Variants in CSMD2 observed in about 807,000 individuals in gnomAD.
CSMD2 encodes the protein CUB and Sushi multiple domains 2.
In CSMD2, 130 loss-of-function variants were observed where a neutral mutation model predicts 398.5. The ratio of observed to expected loss-of-function variants is 0.33; its 90% CI spans 0.28 to 0.38. The LOEUF (loss-of-function observed/expected upper bound fraction) is 0.38. Ranked by LOEUF, CSMD2 falls within the 10% of genes least tolerant of loss-of-function variation. CSMD2 has a pLI of 1.00. For missense variants in CSMD2, 3,829 were observed against 4,764.9 expected (o/e 0.80, Z 5.78); for synonymous variants, 1,828 against 1,908.5 (o/e 0.96, Z 1.10).
rs1386105672 is a variant in CSMD2, at chr1:33,698,797, C to A, written c.3881G>T (p.Ser1294Ile). The A allele has an allele frequency of 6.2e-7, 1 of 1,614,134 alleles. No individual in the cohort carries two copies. Among genetic ancestry groups the A allele is most frequent in the Non-Finnish European group, 8.5e-7 (1 of 1,180,004 alleles). ...LRGSEELLCL[S>I]GERRTWDRPL... ...CCGGTCCCAGGTCCGGCGCTCTCCA[C>A]TCAGACACAGCAGCTCCTCACTACC... Residue 1294 changes from serine to isoleucine, a missense_variant, in exon 24 of 71, where the codon AGT becomes ATT. Physicochemically the swap from Ser to Ile is moderately radical, Grantham distance 142. This residue lies in a region of CSMD2 where 2,001 missense variants were observed against 2,567.1 expected (regional missense o/e 0.78). Transcript: ENST00000373381.
chr1:33,520,441 T>C (rs573410385), intron 68 of CSMD2, among the ~76,000 whole-genome samples: 1 of 152,184 alleles, frequency 6.6e-6, no homozygotes, highest in South Asian at 2.1e-4. Flanking sequence ...AGAACACAAG[T>C]AGAAACTGTG....
chr1:33,964,572 T>G (rs1645490672), intron 3 of CSMD2, among the ~76,000 whole-genome samples: 1 of 152,228 alleles, frequency 6.6e-6, no homozygotes. Flanking sequence ...ATTTTAGGAC[T>G]CATCCTCCCA....
intron 9 of CSMD2, among the ~76,000 whole-genome samples, chr1:33,817,070 C>A (rs1023095696): frequency 6.6e-6 from 1 of 152,050 alleles, no homozygotes; most frequent in Admixed American, 6.5e-5. Flanking sequence ...CCTAAACTGT[C>A]CTAAAAATCA....
At chr1:33,867,821 G>A (rs1345495582) in intron 5 of CSMD2, among the ~76,000 whole-genome samples, 2 of 152,148 alleles carry the variant, frequency 1.3e-5, no homozygotes, top group Non-Finnish European at 2.9e-5. Flanking sequence ...TTGGTGGGCA[G>A]CAGCTGTGTG....
chr1:33,939,736 G>A (rs186501129), intron 3 of CSMD2, among the ~76,000 whole-genome samples: 22 of 152,232 alleles, frequency 1.4e-4, no homozygotes, highest in African/African-American at 3.9e-4. Context: ...TGGGACCTGG[G>A]TGTAATGAAT....
rs771472015 is a variant in CSMD2 at position 33,567,595 on chromosome 1, A to G, written c.8378T>C (p.Val2793Ala). 1 of 1,614,096 alleles carries G rather than the reference A, an allele frequency of 6.2e-7. No individual in the cohort carries two copies. The highest frequency in any genetic ancestry group is 8.5e-7 in the Non-Finnish European group (1 of 1,179,998). The change falls in exon 53 of 71, where the codon GTG (valine) becomes GCG (alanine). Residue 2793 changes from valine (V) to alanine (A), a missense_variant and splice_region_variant. Physicochemically the swap from Val to Ala is moderately conservative, Grantham distance 64 (BLOSUM62 0). Coordinates refer to ENST00000373381, the MANE Select transcript of CSMD2 (RefSeq NM_001281956.2). ...GGGAGAGTGGATGACATACTTACGC[A>G]CACAGAAAGGGGTCTTGCCCGACCA... The part of the protein sequence containing the change: ...HHWSGKTPFC[V>A]PITCGHPGNP...
chr1:33,897,716 T>A (rs1642483646), intron 5 of CSMD2, among the ~76,000 whole-genome samples: 1 of 152,162 alleles, frequency 6.6e-6, no homozygotes, highest in Non-Finnish European at 1.5e-5. Context: ...TCAATTCACC[T>A]GAGATGGGGA....
At chr1:33,970,072 CT>C (rs1645702300) in intron 3 of CSMD2, among the ~76,000 whole-genome samples, 1 of 150,230 alleles carries the variant, frequency 6.7e-6, no homozygotes, top group Non-Finnish European at 1.5e-5. Flanking sequence ...CGCCATTGCA[CT>C]CCAGCCTGGG....
At chr1:33,589,951 A>T (rs1292108415) in intron 44 of CSMD2, among the ~76,000 whole-genome samples, 1 of 152,200 alleles carries the variant, frequency 6.6e-6, no homozygotes, top group Non-Finnish European at 1.5e-5. Flanking sequence ...ATAAGTTAAA[A>T]AAATTGGTGC....
intron 53 of CSMD2, among the ~76,000 whole-genome samples, chr1:33,563,371 G>C (rs1297518717): frequency 6.6e-6 from 1 of 152,106 alleles, no homozygotes; most frequent in African/African-American, 2.4e-5. Flanking sequence ...CCATGGGCTG[G>C]GAGAGAGATT....
intron 12 of CSMD2, among the ~76,000 whole-genome samples, chr1:33,776,134 T>C (rs1427904779): frequency 1.3e-5 from 2 of 152,018 alleles, no homozygotes; most frequent in Non-Finnish European, 2.9e-5. Flanking sequence ...AGTAGTTTAG[T>C]ACAGGAGAAA....
chr1:33,615,695 C>T (rs1403525608), intron 39 of CSMD2, among the ~76,000 whole-genome samples: 2 of 152,194 alleles, frequency 1.3e-5, no homozygotes, highest in Non-Finnish European at 2.9e-5. Flanking sequence ...CAGCAGCTGC[C>T]GTTAAATGAA....
At chr1:34,115,564 C>T (rs755345759) in intron 1 of CSMD2, among the ~76,000 whole-genome samples, 18 of 151,994 alleles carry the variant, frequency 1.2e-4, no homozygotes, top group South Asian at 2.1e-4. Context: ...GGGAGTTCAT[C>T]GCCATTAGAT....
At position 33,820,565 on chromosome 1, in the gene CSMD2, CAAAA is replaced by C. The variant is rs753962666; in HGVS notation, c.1112-13_1112-10del. 0.024 allele frequency: 10,492 copies of C among 431,852 alleles called. 7 individuals carry two copies. Among genetic ancestry groups the C allele is most frequent in the Middle Eastern group, 0.027 (46 of 1,702 alleles). The allele number at this position is 431,852 out of a possible 1,614,324, so 26.8% of individuals were successfully genotyped here. ...CACACCAACCTGAGTTACTACAAGG[CAAAA>C]AAAAAAAAAAAAAAAAAAACAGCAC... is the stretch of plus-strand genomic sequence containing the variant. On this transcript the variant is annotated splice_polypyrimidine_tract_variant and intron_variant, in intron 7 of 70. Transcript: ENST00000373381.
intron 1 of CSMD2, among the ~76,000 whole-genome samples, chr1:34,107,005 C>G (rs1339597205): frequency 6.6e-6 from 1 of 152,174 alleles, no homozygotes; most frequent in African/African-American, 2.4e-5. Context: ...ACAGGGAATC[C>G]TGGACTAGCA....
chr1:33,583,554 T>TAGG lies in CSMD2; in HGVS notation c.7240+85_7240+87dup. On this transcript the variant is annotated intron_variant, in intron 47 of 70. Transcript: ENST00000373381. The stretch of plus-strand genomic sequence containing the variant: ...CTGTGGAGCTTCTGGCAAGCCCTGA[T>TAGG]AGGAAAACTGCAGCACAGACTCCTC... 3.0e-6 allele frequency: 4 copies of TAGG among 1,333,086 alleles called. No homozygotes were observed. In the South Asian group the frequency reaches 5.3e-5, roughly 18 times the overall value. 82.6% of individuals were successfully genotyped at this position (1,333,086 alleles called of 1,614,324 possible).
At chr1:33,542,643 C>T in intron 58 of CSMD2, 77 bp downstream of exon 58, 1 of 1,346,714 alleles carries the variant, frequency 7.4e-7, no homozygotes, top group Non-Finnish European at 1.0e-6. Flanking sequence ...CACCATCTTC[C>T]ATGGATAGCC....
rs201830533 is a variant in CSMD2, at chr1:33,918,216, G to A, written c.798C>T (p.Ala266=). ...CAGCCAGGATGGTCCATGTGCAGTC[G>A]GCATTGTTATGGTACTCCGAGGGGA... is the stretch of plus-strand genomic sequence containing the variant. ...PHFPSEYHNN[A]DCTWTILAEL... Residue 266 remains alanine, a synonymous_variant, in exon 5 of 71, where the codon GCC becomes GCT. Coordinates refer to ENST00000373381, the MANE Select transcript of CSMD2 (RefSeq NM_001281956.2). The A allele has an allele frequency of 1.8e-4, 286 of 1,614,170 alleles. No individual in the cohort carries two copies. Among genetic ancestry groups the A allele is most frequent in the Non-Finnish European group, 2.2e-4 (263 of 1,180,046 alleles).
chr1:34,104,431 T>C (rs986241569), intron 1 of CSMD2, among the ~76,000 whole-genome samples: 2 of 152,346 alleles, frequency 1.3e-5, no homozygotes, highest in Non-Finnish European at 2.9e-5. Flanking sequence ...AAATATTTAT[T>C]GACTGATAAG....
Sources: gnomAD v4.1 joint callset for allele counts (sites outside exome capture counted in the v4.1 genomes callset) on GRCh38, gnomAD v4.1.1 for gene constraint, gnomAD v4.1.1 regional missense constraint, MANE v1.5 for transcripts, NCBI Gene and HGNC (gene_info 2026-07-23, HGNC 2026-07-21) for gene names.